Variants in FAM210A observed in about 807,000 individuals in gnomAD.
FAM210A encodes the protein mitochondrial inner membrane scaffold 1.
A neutral mutation model predicts 25.3 loss-of-function variants in FAM210A; 13 were observed. The observed-to-expected ratio is 0.51, with a 90% CI of 0.33 to 0.82. The LOEUF (loss-of-function observed/expected upper bound fraction) is 0.82. FAM210A is among the 40% of genes least tolerant of loss of function. The pLI is 0.02. For missense variants in FAM210A, 319 were observed against 323.2 expected, an observed-to-expected ratio of 0.99 and a Z score of 0.10; for synonymous variants, 125 against 118.7, an observed-to-expected ratio of 1.05 and a Z score of -0.35.
At chr18:13,673,088 C>T (rs1044560467) in intron 2 of FAM210A, among the ~76,000 whole-genome samples, 1 of 150,972 alleles carries the variant, frequency 6.6e-6, no homozygotes, top group African/African-American at 2.4e-5. Flanking sequence ...TCTTTATTTC[C>T]AATTTTCTGA....
Position 13,666,310 on chromosome 18 carries a change from T to C in FAM210A, c.*170A>G, listed in dbSNP as rs1002936232. On this transcript the variant is annotated 3_prime_UTR_variant, in exon 4 of 4. Transcript: ENST00000651643. ...TTCATTTCTTCCCTTGTAATAACACTGATTTTTCTAGTGATATTTAACTTT... is the reference window on the plus strand; with the variant it reads ...TTCATTTCTTCCCTTGTAATAACACCGATTTTTCTAGTGATATTTAACTTT... The C allele has an allele frequency of 3.4e-5, 21 of 608,776 alleles. No homozygotes were observed. Among genetic ancestry groups the C allele is most frequent in the Admixed American group, 2.1e-4 (7 of 33,356 alleles). 37.7% of individuals were successfully genotyped at this position (608,776 alleles called of 1,614,324 possible). A position where few individuals can be genotyped will look rare whatever the true frequency, so the allele number is the denominator to read the frequency against.
At chr18:13,725,705 G>A (rs1250244619) in intron 1 of FAM210A, among the ~76,000 whole-genome samples, 1 of 152,176 alleles carries the variant, frequency 6.6e-6, no homozygotes, top group Admixed American at 6.5e-5. Flanking sequence ...CCTCAACTAT[G>A]GAGCTTTCGA....
chr18:13,674,600 C>T (rs2043474727), intron 2 of FAM210A, among the ~76,000 whole-genome samples: 2 of 10,984 alleles, frequency 1.8e-4, no homozygotes, highest in Admixed American at 1.1e-3. Context: ...TTTCCAGTTT[C>T]CTGATTATTA....
At chr18:13,720,843 T>A (rs1042132836) in intron 1 of FAM210A, among the ~76,000 whole-genome samples, 13 of 152,268 alleles carry the variant, frequency 8.5e-5, no homozygotes, top group Admixed American at 3.9e-4. Context: ...TGAAGAAGAA[T>A]CTGTTTCATG....
intron 2 of FAM210A, among the ~76,000 whole-genome samples, chr18:13,680,132 C>T (rs1359323165): frequency 6.6e-6 from 1 of 152,102 alleles, no homozygotes; most frequent in Non-Finnish European, 1.5e-5. Flanking sequence ...CAGACTGAAT[C>T]ACAAAAATCC....
intron 1 of FAM210A, among the ~76,000 whole-genome samples, chr18:13,722,162 C>T (rs986835350): frequency 1.3e-5 from 2 of 151,996 alleles, no homozygotes; most frequent in Admixed American, 6.6e-5. Context: ...CCAACGAGTT[C>T]TCTTCTAGGG....
intron 1 of FAM210A, among the ~76,000 whole-genome samples, chr18:13,713,931 C>T (rs1319809250): frequency 6.6e-6 from 1 of 152,180 alleles, no homozygotes; most frequent in Admixed American, 6.6e-5. Context: ...CCCAACATTA[C>T]TCCCGGAAAT....
intron 1 of FAM210A, among the ~76,000 whole-genome samples, chr18:13,683,335 T>C (rs1416904785): frequency 1.3e-5 from 2 of 152,162 alleles, no homozygotes; most frequent in African/African-American, 2.4e-5. Context: ...CCCACCCCCA[T>C]ATCAATGGTG....
At chr18:13,720,389 AACAACCTG>A (rs1360345058) in intron 1 of FAM210A, among the ~76,000 whole-genome samples, 6 of 152,132 alleles carry the variant, frequency 3.9e-5, no homozygotes, top group Non-Finnish European at 8.8e-5. Context: ...TCACTCAGTA[AACAACCTG>A]AAGTAGCACA....
chr18:13,665,459 C>G lies in FAM210A; in HGVS notation c.*1021G>C, dbSNP rs1470721421. 6.9e-6 allele frequency: 1 copy of G among 145,502 alleles called. No homozygotes were observed. The highest frequency in any genetic ancestry group is 2.5e-5 in the African/African-American group (1 of 39,692). 9.0% of individuals were successfully genotyped at this position (145,502 alleles called of 1,614,324 possible). The stretch of plus-strand genomic sequence containing the variant: ...TTTCCCTTCAATGTAAGACAAAAAG[C>G]AGCAGCCACAATTTAAAACTTTACT... On this transcript the variant is annotated 3_prime_UTR_variant, in exon 4 of 4. Transcript: ENST00000651643.
intron 1 of FAM210A, among the ~76,000 whole-genome samples, chr18:13,692,022 G>C (rs1348251605): frequency 6.8e-6 from 1 of 146,732 alleles, no homozygotes; most frequent in East Asian, 2.0e-4. Context: ...CACATGCAGA[G>C]ACACACACAG....
At position 13,726,442 on chromosome 18, in the gene FAM210A, G is replaced by C. The variant is rs572192927; in HGVS notation, c.-142C>G. 6.6e-6 allele frequency: 1 copy of C among 152,552 alleles called. No individual in the cohort carries two copies. The highest frequency in any genetic ancestry group is 6.5e-5 in the Admixed American group (1 of 15,312). The allele number at this position is 152,552 out of a possible 1,614,324, so 9.4% of individuals were successfully genotyped here. A position where few individuals can be genotyped will look rare whatever the true frequency, so the allele number is the denominator to read the frequency against. On this transcript the variant is annotated 5_prime_UTR_variant, in exon 1 of 4. Coordinates refer to ENST00000651643, the MANE Select transcript of FAM210A (RefSeq NM_152352.4). Reference sequence around the variant, plus strand: ...GAGCAGCCCGACAAAGCGTGGGTCCGCGTGCAGGAACCCGCCGGGCTCAGC... The same window carrying C: ...GAGCAGCCCGACAAAGCGTGGGTCCCCGTGCAGGAACCCGCCGGGCTCAGC...
In FAM210A at chr18:13,663,616, T is replaced by A. The variant is rs1290423604; in HGVS notation, c.*2864A>T. The A allele has an allele frequency of 6.6e-6, 1 of 152,156 alleles. No homozygotes were observed. Among genetic ancestry groups the A allele is most frequent in the East Asian group, 1.9e-4 (1 of 5,188 alleles). The allele number at this position is 152,156 out of a possible 1,614,324, so 9.4% of individuals were successfully genotyped here. ...ATTTTACACAGGCGAATCTCAGTCC[T>A]AGCTCCCTCCCCACCCGGTCAACAC... On this transcript the variant is annotated 3_prime_UTR_variant, in exon 4 of 4. Coordinates refer to ENST00000651643, the MANE Select transcript of FAM210A (RefSeq NM_152352.4).
At chr18:13,687,945 A>G (rs2043610571) in intron 1 of FAM210A, 1 of 152,126 alleles carries the variant, frequency 6.6e-6, no homozygotes, top group African/African-American at 2.4e-5. Flanking sequence ...TAACTTTTGG[A>G]TACCTCCCAC....
intron 2 of FAM210A, 126 bp from the exon 3 acceptor site, chr18:13,672,099 T>C: frequency 1.6e-6 from 1 of 611,482 alleles, no homozygotes. Context: ...TTCTACATTA[T>C]CAAGCACTTT....
At chr18:13,705,947 C>T (rs2043775027) in intron 1 of FAM210A, among the ~76,000 whole-genome samples, 1 of 152,148 alleles carries the variant, frequency 6.6e-6, no homozygotes, top group Non-Finnish European at 1.5e-5. Context: ...CTTTCCCATG[C>T]AAGAGGACTG....
intron 2 of FAM210A, among the ~76,000 whole-genome samples, chr18:13,674,091 C>T (rs1489371736): frequency 3.5e-5 from 5 of 142,918 alleles, no homozygotes; most frequent in Non-Finnish European, 6.4e-5. Flanking sequence ...TGAGCCCTGG[C>T]TTCTTTATTT....
chr18:13,668,494 G>C (rs2043418147), intron 3 of FAM210A, among the ~76,000 whole-genome samples: 1 of 152,168 alleles, frequency 6.6e-6, no homozygotes, highest in Non-Finnish European at 1.5e-5. Context: ...TTAATCTCCA[G>C]ACTGAACTTT....
intron 1 of FAM210A, among the ~76,000 whole-genome samples, chr18:13,725,393 G>T (rs1056112089): frequency 6.6e-6 from 1 of 152,166 alleles, no homozygotes; most frequent in African/African-American, 2.4e-5. Context: ...CCTCAAATGG[G>T]CTAATGCCCA....
Sources: gnomAD v4.1 joint callset for allele counts (sites outside exome capture counted in the v4.1 genomes callset) on GRCh38, gnomAD v4.1.1 for gene constraint, MANE v1.5 for transcripts, NCBI Gene and HGNC (gene_info 2026-07-23, HGNC 2026-07-21) for gene names.